The following MORN1 variants were observed in gnomAD, a reference collection of about 807,000 sequenced individuals.
The protein encoded by MORN1 is MORN repeat containing 1.
Under a neutral mutation model 61.9 loss-of-function variants are expected in MORN1, and 67 were observed. The ratio of observed to expected loss-of-function variants is 1.08; its 90% confidence interval spans 0.89 to 1.33. MORN1 has a LOEUF of 1.33. Ranked by LOEUF, MORN1 falls within the 40% of genes most tolerant of loss-of-function variation. The probability of loss-of-function intolerance (pLI) is 0.00; values close to 1 mark genes in which losing one functional copy is unlikely to be tolerated. For missense variants in MORN1, 752 were observed against 691.2 expected (o/e 1.09, Z -0.99); for synonymous variants, 301 against 292.0 (o/e 1.03, Z -0.31).
chr1:2,344,882 G>A (rs1223439011), intron 10 of MORN1, among the ~76,000 whole-genome samples: 2 of 152,222 alleles, frequency 1.3e-5, no homozygotes, highest in East Asian at 1.9e-4. Context: ...GAGCATGACC[G>A]TCTCTCTGTT....
intron 12 of MORN1, among the ~76,000 whole-genome samples, chr1:2,324,490 G>A (rs947224229): frequency 6.6e-6 from 1 of 152,234 alleles, no homozygotes; most frequent in Non-Finnish European, 1.5e-5. Flanking sequence ...AGATCCCGGA[G>A]GGCGGGAAAG....
intron 10 of MORN1, among the ~76,000 whole-genome samples, chr1:2,339,859 G>A (rs1487330737): frequency 1.3e-5 from 2 of 152,234 alleles, no homozygotes; most frequent in Non-Finnish European, 1.5e-5. Flanking sequence ...TAAAGAAAAC[G>A]AGGGCACGGG....
chr1:2,390,429 GC>G, intron 1 of MORN1: 1 of 985,376 alleles, frequency 1.0e-6, no homozygotes, highest in African/African-American at 1.7e-5. Flanking sequence ...CCCTTCAGTG[GC>G]CTCCTATCGC....
At chr1:2,375,982 G>A (rs1347880482) in intron 6 of MORN1, 1 of 152,336 alleles carries the variant, frequency 6.6e-6, no homozygotes, top group East Asian at 1.9e-4. Flanking sequence ...CAACTACAGT[G>A]GATGGGGGCC....
intron 10 of MORN1, among the ~76,000 whole-genome samples, chr1:2,356,483 C>T (rs903363269): frequency 2.0e-5 from 3 of 152,194 alleles, no homozygotes; most frequent in African/African-American, 7.2e-5. Flanking sequence ...AGCAGCACCT[C>T]AGGCTCAGAT....
intron 9 of MORN1, 126 bp downstream of exon 9, chr1:2,358,465 GA>G (rs1461887526): frequency 9.6e-6 from 12 of 1,255,078 alleles, no homozygotes; most frequent in Admixed American, 7.9e-5. Context: ...AACAGACATC[GA>G]ATATTTCATT....
At chr1:2,387,819 C>T (rs1642542263) in intron 3 of MORN1, 1 of 454,768 alleles carries the variant, frequency 2.2e-6, no homozygotes, top group African/African-American at 1.9e-5. Flanking sequence ...AGGTTTTTCC[C>T]TGGCTCTTTA....
intron 6 of MORN1, chr1:2,375,717 C>G (rs1356423912): frequency 6.6e-6 from 1 of 152,268 alleles, no homozygotes; most frequent in East Asian, 1.9e-4. Context: ...TCAGGAGAGG[C>G]TGGGCAGCCA....
At chr1:2,389,313 G>A (rs1642587004) in intron 2 of MORN1, among the ~76,000 whole-genome samples, 1 of 152,206 alleles carries the variant, frequency 6.6e-6, no homozygotes. Context: ...CTGTCACCCA[G>A]GCTGGAGTGC....
chr1:2,337,058 T>C lies in MORN1; in HGVS notation c.1037-208A>G, dbSNP rs1641296051. On this transcript the variant is annotated intron_variant, in intron 10 of 13. Coordinates refer to ENST00000378531, the MANE Select transcript of MORN1 (RefSeq NM_024848.3). The surrounding 1 kb of genome is among the most constrained non-coding windows in gnomAD (Gnocchi z 5.7). ...CCGCCGACAGGGGAGGTGGGGGTCC[T>C]CCGTGTCCACGGCCTCTGACGCCCC... is the stretch of plus-strand genomic sequence containing the variant. Among the ~76,000 whole-genome samples, 1 of 151,876 alleles carries C rather than the reference T, an allele frequency of 6.6e-6. No homozygotes were observed. Among genetic ancestry groups the C allele is most frequent in the Non-Finnish European group, 1.5e-5 (1 of 67,944 alleles).
chr1:2,368,389 G>A (rs1447150841), intron 8 of MORN1, among the ~76,000 whole-genome samples: 1 of 152,248 alleles, frequency 6.6e-6, no homozygotes, highest in African/African-American at 2.4e-5. Context: ...TTAACTGCGT[G>A]CAGATCAAGG....
chr1:2,357,900 G>A lies in MORN1; in HGVS notation c.870-302C>T, dbSNP rs143653171. Among the ~76,000 whole-genome samples, 419 of 152,268 alleles carry A rather than the reference G, an allele frequency of 2.8e-3. 2 individuals are homozygous for A. The highest frequency in any genetic ancestry group is 9.6e-3 in the African/African-American group (400 of 41,570). On this transcript the variant is annotated intron_variant, in intron 9 of 13. Transcript: ENST00000378531. This position sits in a 1 kb window ranked among gnomAD's most constrained non-coding sequence, Gnocchi z 6.3. Reference sequence around the variant, plus strand: ...CGGGTGCGTTCTGACTTCACAGTGGGTCCAAGTTTACCCCAAATGTCAGAC... The same window carrying A: ...CGGGTGCGTTCTGACTTCACAGTGGATCCAAGTTTACCCCAAATGTCAGAC...
chr1:2,387,087 C>G, intron 4 of MORN1: 1 of 359,314 alleles, frequency 2.8e-6, no homozygotes, highest in South Asian at 3.4e-5. Context: ...GAAGCCCCTC[C>G]CTGCAGGGCC....
intron 1 of MORN1, among the ~76,000 whole-genome samples, chr1:2,390,206 T>C (rs569739750): frequency 1.3e-5 from 2 of 152,288 alleles, no homozygotes; most frequent in East Asian, 3.9e-4. Context: ...GTGACAAGGA[T>C]GAGGACCTAC....
intron 1 of MORN1, chr1:2,390,697 G>A: frequency 2.0e-6 from 2 of 985,112 alleles, no homozygotes; most frequent in African/African-American, 3.5e-5. Context: ...TTAGCTCTGA[G>A]TTCATTCCAG....
chr1:2,378,831 T>C (rs1642305632), intron 6 of MORN1: 2 of 432,182 alleles, frequency 4.6e-6, no homozygotes, highest in Admixed American at 2.6e-5. Context: ...GGGACGGAGA[T>C]GGCTGAGGCG....
At chr1:2,335,090 A>T (rs963263137) in intron 12 of MORN1, among the ~76,000 whole-genome samples, 7 of 152,220 alleles carry the variant, frequency 4.6e-5, no homozygotes, top group Non-Finnish European at 8.8e-5. Flanking sequence ...TTCATATTTA[A>T]TTCACAAACC....
chr1:2,329,317 T>C (rs1641099332), intron 12 of MORN1, among the ~76,000 whole-genome samples: 1 of 152,152 alleles, frequency 6.6e-6, no homozygotes, highest in Admixed American at 6.5e-5. Context: ...CAAGACAGGG[T>C]TCATTTTTCA....
chr1:2,374,287 T>C (rs933915709), intron 7 of MORN1, among the ~76,000 whole-genome samples, 174 bp downstream of exon 7: 22 of 152,218 alleles, frequency 1.4e-4, no homozygotes, highest in African/African-American at 4.3e-4. Context: ...AGGACCACTT[T>C]TGACATCAGA....
Sources: allele counts gnomAD v4.1 joint callset (sites outside exome capture counted in the v4.1 genomes callset), GRCh38; gene constraint gnomAD v4.1.1; non-coding constraint Gnocchi (gnomAD v3.1); transcripts MANE v1.5; gene names NCBI Gene and HGNC (gene_info 2026-07-23, HGNC 2026-07-21).